The following POU4F1 variants were observed in gnomAD, a reference collection of about 807,000 sequenced individuals.
POU4F1 encodes the protein POU class 4 homeobox 1.
In POU4F1, 5 loss-of-function variants were observed where a neutral mutation model predicts 19.8. The ratio of observed to expected loss-of-function variants is 0.25; its 90% CI spans 0.13 to 0.53. The LOEUF (loss-of-function observed/expected upper bound fraction) is 0.53, where lower values mean the gene tolerates loss of function less well. Among genes scored for constraint, POU4F1 ranks in the 20% least tolerant of loss-of-function variants. The pLI is 0.96. For missense variants in POU4F1, 408 were observed against 511.6 expected, an observed-to-expected ratio of 0.80 and a Z score of 1.95; for synonymous variants, 266 against 247.7, an observed-to-expected ratio of 1.07 and a Z score of -0.69.
Position 78,603,362 on chromosome 13 carries a change from G to GAA in POU4F1, c.-38_-37dup. 6.5e-7 allele frequency: 1 copy of GAA among 1,550,238 alleles called. No homozygotes were observed. Among genetic ancestry groups the GAA allele is most frequent in the Non-Finnish European group, 8.7e-7 (1 of 1,149,220 alleles). On this transcript the variant is annotated 5_prime_UTR_variant, in exon 1 of 2. Coordinates refer to ENST00000377208, the MANE Select transcript of POU4F1 (RefSeq NM_006237.4). ...TGGCATGTATATCCACAAACACTCC[G>GAA]AAAGTCCGCGGGAAAGTGCGTACGC...
chr13:78,598,400 TTCAAG>T lies in POU4F1; in HGVS notation c.*3010_*3014del, dbSNP rs2094974375. 2.0e-5 allele frequency: 3 copies of T among 152,184 alleles called. No individual in the cohort carries two copies. 9.4% of individuals were successfully genotyped at this position (152,184 alleles called of 1,614,324 possible). ...GCATTTTATTTAAAACTGATGATGTTTCAAGTCAATAACAGCAAAAACAAATCAAC... is the reference window on the plus strand; with the variant it reads ...GCATTTTATTTAAAACTGATGATGTTTCAATAACAGCAAAAACAAATCAAC... On this transcript the variant is annotated 3_prime_UTR_variant, in exon 2 of 2. Coordinates refer to ENST00000377208, the MANE Select transcript of POU4F1 (RefSeq NM_006237.4).
Position 78,602,307 on chromosome 13 carries a change from G to A in POU4F1, c.368C>T (p.Pro123Leu). Residue 123 changes from proline to leucine, a missense_variant, in exon 2 of 2, where the codon CCG becomes CTG. Physicochemically the swap from Pro to Leu is moderately conservative, Grantham distance 98 (BLOSUM62 -3). Transcript: ENST00000377208. ...CGCGCCGGCCATGAGCGCGAGCGAC[G>A]GCGAGGAGATGTGGTCCAGCAGATC... ...PGDLLDHISSPSLALMAGAGG... is the reference protein window; with the variant it reads ...PGDLLDHISSLSLALMAGAGG... 3.2e-6 allele frequency: 4 copies of A among 1,267,484 alleles called. No homozygotes were observed. The highest frequency in any genetic ancestry group is 3.0e-6 in the Non-Finnish European group (3 of 1,001,590). The allele number at this position is 1,267,484 out of a possible 1,614,324, so 78.5% of individuals were successfully genotyped here.
chr13:78,602,497 C>A lies in POU4F1; in HGVS notation c.178G>T (p.Ala60Ser). 1 of 1,594,018 alleles carries A rather than the reference C, an allele frequency of 6.3e-7. No homozygotes were observed. Among genetic ancestry groups the A allele is most frequent in the South Asian group, 1.1e-5 (1 of 87,862 alleles). ...LDETLLARAE[A>S]LAAVDIAVSQ... ...ACGGCGATGTCCACGGCCGCCAGCGCCTCGGCCCGCGCCAGCAGCGTCTCG... is the reference window on the plus strand; with the variant it reads ...ACGGCGATGTCCACGGCCGCCAGCGACTCGGCCCGCGCCAGCAGCGTCTCG... Residue 60 changes from alanine to serine, a missense_variant, in exon 2 of 2, where the codon GCG becomes TCG. Ala to Ser is a moderately conservative substitution (Grantham distance 99). Transcript: ENST00000377208.
intron 1 of POU4F1, 66 bp downstream of exon 1, chr13:78,603,137 CA>C: frequency 8.1e-7 from 1 of 1,228,412 alleles, no homozygotes; most frequent in Non-Finnish European, 1.1e-6. Flanking sequence ...CAGCCCCCGA[CA>C]TGCAGCGTTT....
rs767747903 is a variant in POU4F1 at position 78,603,258 on chromosome 13, C to T, written c.69G>A (p.Pro23=). 3.2e-6 allele frequency: 5 copies of T among 1,574,198 alleles called. No individual in the cohort carries two copies. The highest frequency in any genetic ancestry group is 2.3e-5 in the South Asian group (2 of 87,532). Residue 23 remains proline (P), a synonymous_variant, in exon 1 of 2, where the codon CCG becomes CCA. Transcript: ENST00000377208. ...TGGCCTCGGAGCTGGAGTGCAGCGA[C>T]GGGTACTTGTGCTCAGGGAGGGTGG... is the stretch of plus-strand genomic sequence containing the variant. ...MHPTLPEHKY[P]SLHSSSEAIR...
Position 78,602,213 on chromosome 13 carries a change from G to GCCCGGGCCGCCACCGCCC in POU4F1, c.444_461dup (p.Gly157_Gly162dup). ...GGCCGCCGCCCGGGCCGCCGCCGCC[G>GCCCGGGCCGCCACCGCCC]CCCGGGCCGCCACCGCCCCCCGGGC... On this transcript the variant is annotated inframe_insertion, in exon 2 of 2. Coordinates refer to ENST00000377208, the MANE Select transcript of POU4F1 (RefSeq NM_006237.4). The GCCCGGGCCGCCACCGCCC allele has an allele frequency of 5.1e-6, 4 of 787,706 alleles. No homozygotes were observed. Among genetic ancestry groups the GCCCGGGCCGCCACCGCCC allele is most frequent in the Non-Finnish European group, 6.1e-6 (4 of 654,556 alleles). 48.8% of individuals were successfully genotyped at this position (787,706 alleles called of 1,614,324 possible). A position where few individuals can be genotyped will look rare whatever the true frequency, so the allele number is the denominator to read the frequency against.
Position 78,602,351 on chromosome 13 carries a change from G to T in POU4F1, c.324C>A (p.His108Gln). 2.5e-6 allele frequency: 3 copies of T among 1,205,634 alleles called. No homozygotes were observed. The highest frequency in any genetic ancestry group is 3.2e-6 in the Non-Finnish European group (3 of 945,916). 74.7% of individuals were successfully genotyped at this position (1,205,634 alleles called of 1,614,324 possible). Residue 108 changes from histidine (H) to glutamine (Q), a missense_variant, in exon 2 of 2, where the codon CAC (histidine) becomes CAA (glutamine). Physicochemically the swap from His to Gln is conservative, Grantham distance 24. Around this residue, in one of 4 missense-constraint regions of POU4F1, gnomAD observed 294 missense variants for 288.2 expected, o/e 1.02. Coordinates refer to ENST00000377208, the MANE Select transcript of POU4F1 (RefSeq NM_006237.4). ...LAHHHHHHHH[H>Q]QALEPGDLLD... ...GCAGATCGCCGGGTTCGAGCGCCTG[G>T]TGGTGGTGGTGGTGGTGGTGGTGGT...
chr13:78,603,063 G>T, intron 1 of POU4F1, 141 bp downstream of exon 1: 1 of 612,918 alleles, frequency 1.6e-6, no homozygotes, highest in Non-Finnish European at 2.4e-6. Flanking sequence ...GACAAAACGT[G>T]CCTCGCTGCG....
chr13:78,601,947 G>C lies in POU4F1; in HGVS notation c.728C>G (p.Ala243Gly). Residue 243 changes from alanine (A) to glycine (G), a missense_variant, in exon 2 of 2, where the codon GCA becomes GGA. Coordinates refer to ENST00000377208, the MANE Select transcript of POU4F1 (RefSeq NM_006237.4). Reference sequence around the variant, plus strand: ...GCCCACCACGGCCGCCGCCGCCGATGCCGCTGCCACCTGCCCGGCCGCCGC... The same window carrying C: ...GCCCACCACGGCCGCCGCCGCCGATCCCGCTGCCACCTGCCCGGCCGCCGC... Reference protein sequence around the residue: ...AAAAAGQVAAASAAAAVVGAA... With the variant: ...AAAAAGQVAAGSAAAAVVGAA... 1 of 1,245,848 alleles carries C rather than the reference G, an allele frequency of 8.0e-7. No individual in the cohort carries two copies. The highest frequency in any genetic ancestry group is 4.1e-5 in the Admixed American group (1 of 24,254). 77.2% of individuals were successfully genotyped at this position (1,245,848 alleles called of 1,614,324 possible).
At position 78,603,214 on chromosome 13, in the gene POU4F1, G is replaced by A; in HGVS notation, c.113C>T (p.Pro38Leu). ...GCGTGGGGCGCTTACCGGCGGCGTGGGCAGGCAGGCCCGCCGGATGGCCTC... is the reference window on the plus strand; with the variant it reads ...GCGTGGGGCGCTTACCGGCGGCGTGAGCAGGCAGGCCCGCCGGATGGCCTC... ...SSEAIRRACL[P>L]TPPLQSNLFA... The change falls in exon 1 of 2, where the codon CCC (proline) becomes CTC (leucine). Residue 38 changes from proline (P) to leucine (L), a missense_variant. Pro to Leu is a moderately conservative substitution (Grantham distance 98). Around this residue, in one of 4 missense-constraint regions of POU4F1, gnomAD observed 294 missense variants for 288.2 expected, o/e 1.02. Coordinates refer to ENST00000377208, the MANE Select transcript of POU4F1 (RefSeq NM_006237.4). 6.5e-7 allele frequency: 1 copy of A among 1,546,562 alleles called. No individual in the cohort carries two copies. Among genetic ancestry groups the A allele is most frequent in the Non-Finnish European group, 8.7e-7 (1 of 1,147,720 alleles).
At chr13:78,603,087 C>A (rs1317384225) in intron 1 of POU4F1, 117 bp downstream of exon 1, 2 of 824,466 alleles carry the variant, frequency 2.4e-6, no homozygotes, top group East Asian at 3.4e-5. Flanking sequence ...CTGCTCTACA[C>A]CCCCTGCCCG....
In POU4F1 at chr13:78,601,648, T is replaced by A; in HGVS notation, c.1027A>T (p.Lys343Ter). 2 of 1,613,848 alleles carry A rather than the reference T, an allele frequency of 1.2e-6. No individual in the cohort carries two copies. The highest frequency in any genetic ancestry group is 1.7e-6 in the Non-Finnish European group (2 of 1,179,972). ...TTGAAGAGCTCAGGCTTGTTCATTTTCTCGCGCTGGGCGCCCTCGGCCTCC... is the reference window on the plus strand; with the variant it reads ...TTGAAGAGCTCAGGCTTGTTCATTTACTCGCGCTGGGCGCCCTCGGCCTCC... ...LEEAEGAQRE[K>*]MNKPELFNGG... The change falls in exon 2 of 2, where the codon AAA (lysine) becomes TAA (stop). Residue 343 changes from lysine (K) to a stop codon, truncating the protein, a stop_gained. Transcript: ENST00000377208. LOFTEE classifies it high-confidence loss of function.
In POU4F1 at chr13:78,600,640, C is replaced by G. The variant is rs1874654439; in HGVS notation, c.*775G>C. 6.6e-6 allele frequency: 1 copy of G among 152,124 alleles called. No individual in the cohort carries two copies. The highest frequency in any genetic ancestry group is 1.5e-5 in the Non-Finnish European group (1 of 68,084). The allele number at this position is 152,124 out of a possible 1,614,324, so 9.4% of individuals were successfully genotyped here. ...TTCAGCTGTGCTCCCACTCACTTCC[C>G]GGGATTGGAGAGCAGCCATAGGCCT... On this transcript the variant is annotated 3_prime_UTR_variant, in exon 2 of 2. Transcript: ENST00000377208.
In POU4F1 at chr13:78,603,231, G is replaced by C; in HGVS notation, c.96C>G (p.Ile32Met). Residue 32 changes from isoleucine (I) to methionine (M), a missense_variant, in exon 1 of 2, where the codon ATC becomes ATG. Ile to Met is a conservative substitution (Grantham distance 10, BLOSUM62 1). Around this residue, in one of 4 missense-constraint regions of POU4F1, gnomAD observed 294 missense variants for 288.2 expected, o/e 1.02. Coordinates refer to ENST00000377208, the MANE Select transcript of POU4F1 (RefSeq NM_006237.4). ...GCGGCGTGGGCAGGCAGGCCCGCCG[G>C]ATGGCCTCGGAGCTGGAGTGCAGCG... ...YPSLHSSSEAIRRACLPTPPL... is the reference protein window; with the variant it reads ...YPSLHSSSEAMRRACLPTPPL... 2 of 1,555,030 alleles carry C rather than the reference G, an allele frequency of 1.3e-6. No homozygotes were observed. The highest frequency in any genetic ancestry group is 2.4e-5 in the South Asian group (2 of 84,864).
Position 78,602,402 on chromosome 13 carries a change from C to T in POU4F1, c.273G>A (p.Thr91=), listed in dbSNP as rs1364606402. 3.2e-6 allele frequency: 5 copies of T among 1,563,898 alleles called. No homozygotes were observed. The Admixed American group carries it at 5.7e-5, about 18-fold the overall frequency. Residue 91 remains threonine, a synonymous_variant, in exon 2 of 2, where the codon ACG becomes ACA. Transcript: ENST00000377208. The part of the protein sequence containing the change: ...TYHTMNSVPC[T]STSTVPLAHH... ...GCGCCAGAGGCACCGTGGAAGTGGA[C>T]GTGCACGGCACGCTGTTCATCGTGT...
Position 78,603,370 on chromosome 13 carries a change from G to A in POU4F1, c.-44C>T. 1.9e-6 allele frequency: 3 copies of A among 1,544,190 alleles called. No individual in the cohort carries two copies. Among genetic ancestry groups the A allele is most frequent in the Non-Finnish European group, 2.6e-6 (3 of 1,145,812 alleles). On this transcript the variant is annotated 5_prime_UTR_variant, in exon 1 of 2. Transcript: ENST00000377208. ...ATATCCACAAACACTCCGAAAGTCC[G>A]CGGGAAAGTGCGTACGCCGGCTCAC...
In POU4F1 at chr13:78,601,292, G is replaced by A. The variant is rs1430862497; in HGVS notation, c.*123C>T. 2.8e-6 allele frequency: 4 copies of A among 1,443,626 alleles called. No individual in the cohort carries two copies. Among genetic ancestry groups the A allele is most frequent in the Admixed American group, 2.3e-5 (1 of 43,268 alleles). 89.4% of individuals were successfully genotyped at this position (1,443,626 alleles called of 1,614,324 possible). A position where few individuals can be genotyped will look rare whatever the true frequency, so the allele number is the denominator to read the frequency against. ...GGGTGGAGGAAAGAGAGCGAGAAGG[G>A]ACTCCCCAAATGCAGGCAGGATAAC... On this transcript the variant is annotated 3_prime_UTR_variant, in exon 2 of 2. Transcript: ENST00000377208.
Position 78,602,400 on chromosome 13 carries a change from G to T in POU4F1, c.275C>A (p.Ser92Tyr). The stretch of plus-strand genomic sequence containing the variant: ...GTGCGCCAGAGGCACCGTGGAAGTG[G>T]ACGTGCACGGCACGCTGTTCATCGT... ...YHTMNSVPCT[S>Y]TSTVPLAHHH... The change falls in exon 2 of 2, where the codon TCC becomes TAC. Residue 92 changes from serine to tyrosine, a missense_variant. Around this residue, in one of 4 missense-constraint regions of POU4F1, gnomAD observed 294 missense variants for 288.2 expected, o/e 1.02. Transcript: ENST00000377208. The T allele has an allele frequency of 1.3e-6, 2 of 1,562,888 alleles. No homozygotes were observed.
At position 78,603,318 on chromosome 13, in the gene POU4F1, G is replaced by T; in HGVS notation, c.9C>A (p.Ser3=). MM[S]MNSKQPHFAM... is the part of the protein sequence containing the mutation. ...CAAAGTGAGGCTGCTTGCTGTTCAT[G>T]GACATCATCGTGGCGGCTTGGCATG... is the stretch of plus-strand genomic sequence containing the variant. Residue 3 remains serine (S), a synonymous_variant, in exon 1 of 2, where the codon TCC becomes TCA. Coordinates refer to ENST00000377208, the MANE Select transcript of POU4F1 (RefSeq NM_006237.4). The T allele has an allele frequency of 2.5e-6, 4 of 1,578,688 alleles. No individual in the cohort carries two copies. The highest frequency in any genetic ancestry group is 2.6e-6 in the Non-Finnish European group (3 of 1,163,352).
Sources: allele counts gnomAD v4.1 joint callset, GRCh38; gene constraint gnomAD v4.1.1; regional missense constraint gnomAD v4.1.1; transcripts MANE v1.5; gene names NCBI Gene and HGNC (gene_info 2026-07-23, HGNC 2026-07-21).